Variants in CSMD1 observed in about 807,000 individuals in gnomAD.
The protein encoded by CSMD1 is CUB and Sushi multiple domains 1, also known as CUB and sushi domain-containing protein 1.
A neutral mutation model predicts 417.5 loss-of-function variants in CSMD1; 213 were observed. That is an observed-to-expected ratio of 0.51 (90% confidence interval 0.46 to 0.57). The LOEUF is 0.57. CSMD1 is among the 20% of genes least tolerant of loss of function. The pLI is 0.00. For synonymous variants in CSMD1, 2,862 were observed against 1,736.8 expected, an observed-to-expected ratio of 1.65 and a Z score of -16.11; for missense variants, 6,923 against 4,529.7, an observed-to-expected ratio of 1.53 and a Z score of -15.17.
intron 3 of CSMD1, among the ~76,000 whole-genome samples, chr8:4,171,866 A>G (rs1797781691): frequency 6.6e-6 from 1 of 152,200 alleles, no homozygotes; most frequent in Admixed American, 6.5e-5. Flanking sequence ...TTCTCTCATT[A>G]CTTACATCAA....
At chr8:3,411,098 G>A (rs991889852) in intron 12 of CSMD1, among the ~76,000 whole-genome samples, 2 of 152,158 alleles carry the variant, frequency 1.3e-5, no homozygotes, top group African/African-American at 2.4e-5. Flanking sequence ...GCAGAGTGAT[G>A]CAGGAAGAAG....
chr8:3,209,271 T>A (rs1797467088), intron 30 of CSMD1, among the ~76,000 whole-genome samples: 1 of 143,934 alleles, frequency 6.9e-6, no homozygotes, highest in Non-Finnish European at 1.5e-5. Flanking sequence ...TGGATAGAAT[T>A]TTTATTTATT....
intron 12 of CSMD1, among the ~76,000 whole-genome samples, chr8:3,420,103 CT>C (rs1410175336): frequency 6.6e-6 from 1 of 152,122 alleles, no homozygotes; most frequent in African/African-American, 2.4e-5. Flanking sequence ...ATTGATATTA[CT>C]TTTAATTTCA....
chr8:3,254,190 T>C (rs573751697), intron 26 of CSMD1, among the ~76,000 whole-genome samples: 15 of 152,316 alleles, frequency 9.8e-5, no homozygotes, highest in African/African-American at 3.6e-4. Context: ...TTTAAGAATG[T>C]GGAATATTGG....
chr8:3,583,457 C>T (rs763175347), intron 9 of CSMD1, among the ~76,000 whole-genome samples: 2 of 151,788 alleles, frequency 1.3e-5, no homozygotes, highest in Non-Finnish European at 2.9e-5. Flanking sequence ...TCCTGGAAAC[C>T]GAAAGAGGTG....
In CSMD1 at chr8:3,187,231, G is replaced by A. The variant is rs117269636; in HGVS notation, c.5620+638C>T. 1.3e-4 allele frequency among the ~76,000 whole-genome samples: 20 copies of A among 152,312 alleles called. 1 individual carries two copies. The highest frequency in any genetic ancestry group is 6.5e-4 in the Admixed American group (10 of 15,302). ...CAGTGTAATGCTATTACAAAGCAAA[G>A]TGAAAGAAAGCGGTGTCATGCATCT... On this transcript the variant is annotated intron_variant, in intron 36 of 69. Transcript: ENST00000635120.
intron 12 of CSMD1, among the ~76,000 whole-genome samples, chr8:3,464,834 G>T (rs1050668345): frequency 1.3e-5 from 2 of 151,962 alleles, no homozygotes; most frequent in African/African-American, 4.8e-5. Flanking sequence ...TTGTAAAATG[G>T]TTTTAAACAA....
At chr8:4,431,398 A>G (rs1451789447) in intron 2 of CSMD1, among the ~76,000 whole-genome samples, 1 of 152,180 alleles carries the variant, frequency 6.6e-6, no homozygotes, top group Non-Finnish European at 1.5e-5. Context: ...AACCATACGC[A>G]CAAACTTAGA....
chr8:2,986,614 C>T (rs1406313362), intron 54 of CSMD1, among the ~76,000 whole-genome samples: 1 of 152,154 alleles, frequency 6.6e-6, no homozygotes, highest in Admixed American at 6.5e-5. Flanking sequence ...ACACCATTCT[C>T]CTGCCTCAGT....
chr8:3,568,841 C>T (rs1174992357), intron 10 of CSMD1, among the ~76,000 whole-genome samples: 2 of 151,988 alleles, frequency 1.3e-5, no homozygotes, highest in Non-Finnish European at 2.9e-5. Flanking sequence ...TGGGGATAAA[C>T]TTTATAAAAT....
chr8:4,406,392 C>A (rs527695352), intron 3 of CSMD1, among the ~76,000 whole-genome samples: 1 of 152,112 alleles, frequency 6.6e-6, no homozygotes, highest in African/African-American at 2.4e-5. Flanking sequence ...TGAAACTCAA[C>A]TTTTACTTCC....
chr8:4,662,170 T>C (rs889022629), intron 1 of CSMD1, among the ~76,000 whole-genome samples: 1 of 152,184 alleles, frequency 6.6e-6, no homozygotes, highest in African/African-American at 2.4e-5. Context: ...GAAAACCCCC[T>C]ATTAAATCCT....
intron 2 of CSMD1, among the ~76,000 whole-genome samples, chr8:4,478,949 T>G (rs2130112538): frequency 6.6e-6 from 1 of 152,268 alleles, no homozygotes; most frequent in Non-Finnish European, 1.5e-5. Flanking sequence ...TCACGGAAAT[T>G]TTCTCAACCT....
At chr8:4,479,098 T>A (rs1056338451) in intron 2 of CSMD1, among the ~76,000 whole-genome samples, 1 of 152,182 alleles carries the variant, frequency 6.6e-6, no homozygotes, top group African/African-American at 2.4e-5. Context: ...AAGACACAGT[T>A]ATATCTATTT....
chr8:4,720,816 G>C (rs149840338), intron 1 of CSMD1, among the ~76,000 whole-genome samples: 2,324 of 152,058 alleles, frequency 0.015, 25 homozygotes, highest in Non-Finnish European at 0.023. Context: ...GATCAACAAC[G>C]GCCATAAGGA....
intron 31 of CSMD1, among the ~76,000 whole-genome samples, chr8:3,202,877 C>G (rs956435918): frequency 1.3e-5 from 2 of 152,130 alleles, no homozygotes; most frequent in African/African-American, 4.8e-5. Flanking sequence ...ACAAAGAAGG[C>G]ATGTAGGCTA....
At chr8:3,797,634 T>C (rs1180714141) in intron 5 of CSMD1, among the ~76,000 whole-genome samples, 2 of 152,002 alleles carry the variant, frequency 1.3e-5, no homozygotes, top group Non-Finnish European at 2.9e-5. Context: ...GTAGTGTTCT[T>C]TTATACAAAT....
At chr8:4,663,854 C>T (rs1232315963) in intron 1 of CSMD1, among the ~76,000 whole-genome samples, 1 of 152,188 alleles carries the variant, frequency 6.6e-6, no homozygotes. Flanking sequence ...TTCAGATTCT[C>T]ACAAATACCT....
intron 49 of CSMD1, among the ~76,000 whole-genome samples, chr8:3,085,616 T>C (rs192410929): frequency 7.9e-4 from 121 of 152,300 alleles, no homozygotes; most frequent in Admixed American, 1.8e-3. Flanking sequence ...GTGTGCACTA[T>C]TTGTATTTCT....
Sources: allele counts gnomAD v4.1 joint callset (sites outside exome capture counted in the v4.1 genomes callset), GRCh38; gene constraint gnomAD v4.1.1; transcripts MANE v1.5; gene names NCBI Gene and HGNC (gene_info 2026-07-23, HGNC 2026-07-21).